NAA50: variants seen among roughly 807,000 people sequenced by gnomAD.
The protein encoded by NAA50 is N-alpha-acetyltransferase 50, NatE catalytic subunit.
Under a neutral mutation model 20.7 loss-of-function variants are expected in NAA50, and 7 were observed. That is an observed-to-expected ratio of 0.34 (90% CI 0.19 to 0.63). NAA50 has a LOEUF of 0.63. NAA50 is among the 30% of genes least tolerant of loss of function. The pLI is 0.75. For missense variants in NAA50, 111 were observed against 199.1 expected (o/e 0.56, Z 2.66); for synonymous variants, 54 against 70.6 (o/e 0.77, Z 1.18).
intron 1 of NAA50, among the ~76,000 whole-genome samples, chr3:113,740,284 A>G (rs1446006362): frequency 6.6e-6 from 1 of 152,212 alleles, no homozygotes; most frequent in African/African-American, 2.4e-5. Flanking sequence ...GAAATATTTG[A>G]TCTGTATTTA....
intron 1 of NAA50, among the ~76,000 whole-genome samples, chr3:113,733,751 G>A (rs1438178016): frequency 6.6e-6 from 1 of 150,610 alleles, no homozygotes; most frequent in Non-Finnish European, 1.5e-5. Flanking sequence ...TACTCAGGAG[G>A]CTGAGGCAGG....
At position 113,723,416 on chromosome 3, in the gene NAA50, T is replaced by C; in HGVS notation, c.265+6A>G. 1 of 1,598,452 alleles carries C rather than the reference T, an allele frequency of 6.3e-7. No homozygotes were observed. Among genetic ancestry groups the C allele is most frequent in the South Asian group, 1.1e-5 (1 of 88,442 alleles). ...CTGAAGAAGTAAAAAAACCACAATT[T>C]TTTACCTATTCCTAGCCTTCGGTAA... is the stretch of plus-strand genomic sequence containing the variant. On this transcript the variant is annotated splice_donor_region_variant and intron_variant, in intron 3 of 4. Coordinates refer to ENST00000240922, the MANE Select transcript of NAA50 (RefSeq NM_025146.4).
intron 1 of NAA50, among the ~76,000 whole-genome samples, chr3:113,730,521 T>A (rs112096498): frequency 0.011 from 1,651 of 152,010 alleles, 27 homozygotes; most frequent in South Asian, 0.065. Context: ...TAGTTCTGAG[T>A]TTTTACAAAT....
intron 1 of NAA50, among the ~76,000 whole-genome samples, chr3:113,740,029 A>G (rs2107994674): frequency 6.6e-6 from 1 of 152,278 alleles, no homozygotes; most frequent in African/African-American, 2.4e-5. Flanking sequence ...TTTTCATTCA[A>G]GTTTAGTATC....
chr3:113,746,129 G>C lies in NAA50; in HGVS notation c.-180C>G. 1 of 701,570 alleles carries C rather than the reference G, an allele frequency of 1.4e-6. No homozygotes were observed. Among genetic ancestry groups the C allele is most frequent in the South Asian group, 2.0e-5 (1 of 49,904 alleles). The allele number at this position is 701,570 out of a possible 1,614,324, so 43.5% of individuals were successfully genotyped here. Reference sequence around the variant, plus strand: ...GTCGAGTGAGGGCTTGAGTCTGGTGGGGGCGGGAGTGTCTCCCGCCGCCGC... The same window carrying C: ...GTCGAGTGAGGGCTTGAGTCTGGTGCGGGCGGGAGTGTCTCCCGCCGCCGC... On this transcript the variant is annotated 5_prime_UTR_variant, in exon 1 of 5. Coordinates refer to ENST00000240922, the MANE Select transcript of NAA50 (RefSeq NM_025146.4).
intron 1 of NAA50, among the ~76,000 whole-genome samples, chr3:113,736,571 C>G (rs530218143): frequency 6.6e-6 from 1 of 152,126 alleles, no homozygotes; most frequent in African/African-American, 2.4e-5. Flanking sequence ...ATATTATGGA[C>G]GCAAATGTTT....
intron 1 of NAA50, among the ~76,000 whole-genome samples, chr3:113,742,571 C>A (rs2107996333): frequency 6.6e-6 from 1 of 152,262 alleles, no homozygotes; most frequent in South Asian, 2.1e-4. Flanking sequence ...CAAGGTCTCA[C>A]TATGCTGAGA....
chr3:113,741,225 C>A, intron 1 of NAA50: 2 of 460,450 alleles, frequency 4.3e-6, no homozygotes, highest in South Asian at 3.7e-5. Context: ...CATTCCTGCT[C>A]CAGGTCCTCA....
rs1001105675 is a variant in NAA50 at position 113,718,092 on chromosome 3, GCTCA to G, written c.*3664_*3667del. On this transcript the variant is annotated 3_prime_UTR_variant, in exon 5 of 5. Coordinates refer to ENST00000240922, the MANE Select transcript of NAA50 (RefSeq NM_025146.4). ...TACGTCATAAAAAAGTATGGTTTCT[GCTCA>G]CTTTCTTATATCACCTGCTCTAGGG... 8.5e-5 allele frequency: 13 copies of G among 152,268 alleles called. No homozygotes were observed. Among genetic ancestry groups the G allele is most frequent in the African/African-American group, 2.9e-4 (12 of 41,550 alleles). 9.4% of individuals were successfully genotyped at this position (152,268 alleles called of 1,614,324 possible).
At chr3:113,729,790 T>G (rs1046088342) in intron 1 of NAA50, among the ~76,000 whole-genome samples, 8 of 152,068 alleles carry the variant, frequency 5.3e-5, no homozygotes, top group Non-Finnish European at 1.2e-4. Context: ...ACTCCTGAAC[T>G]CAAGCAATCC....
Position 113,723,498 on chromosome 3 carries a change from C to T in NAA50, c.189G>A (p.Val63=). The change falls in exon 3 of 5, where the codon GTG becomes GTA. Residue 63 remains valine (V), a synonymous_variant. Transcript: ENST00000240922. ...DIAVGAVCCR[V]DHSQNQKRLY... is the part of the protein sequence containing the mutation. Reference sequence around the variant, plus strand: ...GTCTCTTCTGATTCTGTGAATGATCCACCCTACAGCATACTGCACCTACAG... The same window carrying T: ...GTCTCTTCTGATTCTGTGAATGATCTACCCTACAGCATACTGCACCTACAG... The T allele has an allele frequency of 6.2e-7, 1 of 1,612,742 alleles. No homozygotes were observed.
rs1040771172 is a variant in NAA50 at position 113,721,088 on chromosome 3, C to T, written c.*672G>A. The T allele has an allele frequency of 3.1e-4, 48 of 152,690 alleles. No individual in the cohort carries two copies. Among genetic ancestry groups the T allele is most frequent in the African/African-American group, 1.1e-3 (46 of 41,554 alleles). The allele number at this position is 152,690 out of a possible 1,614,324, so 9.5% of individuals were successfully genotyped here. On this transcript the variant is annotated 3_prime_UTR_variant, in exon 5 of 5. Coordinates refer to ENST00000240922, the MANE Select transcript of NAA50 (RefSeq NM_025146.4). ...GCAGGAAAAACAAACCTGCTAACAA[C>T]CAGCCCACTCATTAGCAAAAAAGCA...
chr3:113,727,456 T>C (rs1270004931), intron 1 of NAA50, among the ~76,000 whole-genome samples: 2 of 152,114 alleles, frequency 1.3e-5, no homozygotes, highest in Non-Finnish European at 2.9e-5. Flanking sequence ...CTTGACTTCA[T>C]ACAAGAAGAA....
chr3:113,742,772 C>T (rs1708436108), intron 1 of NAA50, among the ~76,000 whole-genome samples: 1 of 152,106 alleles, frequency 6.6e-6, no homozygotes, highest in Admixed American at 6.5e-5. Flanking sequence ...ACCTACTTTC[C>T]CATCTTAGTC....
rs1708167288 is a variant in NAA50 at position 113,723,895 on chromosome 3, A to G, written c.145+64T>C. 3.5e-6 allele frequency: 5 copies of G among 1,440,138 alleles called. No homozygotes were observed. The Admixed American group carries it at 7.4e-5, about 21-fold the overall frequency. 89.2% of individuals were successfully genotyped at this position (1,440,138 alleles called of 1,614,324 possible). On this transcript the variant is annotated intron_variant, in intron 2 of 4. Coordinates refer to ENST00000240922, the MANE Select transcript of NAA50 (RefSeq NM_025146.4). ...TAGTTAACTTCTTCTGCTCTATAAA[A>G]AACTAGGGTTCAAGAACAAAAAGAA...
At chr3:113,732,426 A>G (rs1295353509) in intron 1 of NAA50, among the ~76,000 whole-genome samples, 1 of 152,204 alleles carries the variant, frequency 6.6e-6, no homozygotes, top group Non-Finnish European at 1.5e-5. Flanking sequence ...CTATCTTTAA[A>G]AATTACCACA....
chr3:113,736,872 T>C (rs903789555), intron 1 of NAA50, among the ~76,000 whole-genome samples: 10 of 152,142 alleles, frequency 6.6e-5, no homozygotes, highest in Non-Finnish European at 1.5e-4. Flanking sequence ...AAATGAAGTA[T>C]AGAGAAAGCT....
Position 113,717,050 on chromosome 3 carries a change from T to C in NAA50, c.*4710A>G, listed in dbSNP as rs1708060121. ...TGATTCATTCTAGATAGAAAACATT[T>C]TACTGGCCAGGCGCCATGGCTCGCC... On this transcript the variant is annotated 3_prime_UTR_variant, in exon 5 of 5. Coordinates refer to ENST00000240922, the MANE Select transcript of NAA50 (RefSeq NM_025146.4). The C allele has an allele frequency of 6.6e-6, 1 of 152,172 alleles. No individual in the cohort carries two copies. The highest frequency in any genetic ancestry group is 1.5e-5 in the Non-Finnish European group (1 of 68,032). 9.4% of individuals were successfully genotyped at this position (152,172 alleles called of 1,614,324 possible).
At chr3:113,725,871 T>C (rs750631467) in intron 1 of NAA50, among the ~76,000 whole-genome samples, 42 of 152,338 alleles carry the variant, frequency 2.8e-4, no homozygotes, top group Middle Eastern at 3.4e-3. Context: ...CAAAGTTCTC[T>C]AAGATGTATT....
Sources: allele counts gnomAD v4.1 joint callset (sites outside exome capture counted in the v4.1 genomes callset), GRCh38; gene constraint gnomAD v4.1.1; transcripts MANE v1.5; gene names NCBI Gene and HGNC (gene_info 2026-07-23, HGNC 2026-07-21).